DDHD1: variants seen among roughly 807,000 people sequenced by gnomAD.
DDHD1 encodes DDHD domain containing 1, also known as phospholipase DDHD1.
Under a neutral mutation model 96.4 loss-of-function variants are expected in DDHD1, and 49 were observed. The observed-to-expected ratio is 0.51, with a 90% CI of 0.40 to 0.64. DDHD1 has a LOEUF of 0.64. Among genes scored for constraint, DDHD1 ranks in the 30% least tolerant of loss-of-function variants. The pLI is 0.00. For synonymous variants in DDHD1, 442 were observed against 446.5 expected, an observed-to-expected ratio of 0.99 and a Z score of 0.13; for missense variants, 1,106 against 1,161.2, an observed-to-expected ratio of 0.95 and a Z score of 0.69.
chr14:53,067,077 T>C (rs1040025715), intron 6 of DDHD1, among the ~76,000 whole-genome samples: 2 of 152,020 alleles, frequency 1.3e-5, no homozygotes, highest in African/African-American at 4.8e-5. Flanking sequence ...AGGGGAACTG[T>C]TAAAAATACA....
chr14:53,143,972 T>A (rs1890814248), intron 1 of DDHD1, among the ~76,000 whole-genome samples: 1 of 152,234 alleles, frequency 6.6e-6, no homozygotes, highest in Non-Finnish European at 1.5e-5. Context: ...TACTTCTTGA[T>A]GGATTATAGG....
intron 6 of DDHD1, among the ~76,000 whole-genome samples, chr14:53,070,141 A>T (rs1418058962): frequency 6.6e-6 from 1 of 152,204 alleles, no homozygotes; most frequent in East Asian, 1.9e-4. Context: ...TTTGTATGGT[A>T]ACATGTGCTC....
Position 53,073,752 on chromosome 14 carries a change from G to A in DDHD1, c.1385C>T (p.Thr462Ile). The A allele has an allele frequency of 1.2e-6, 2 of 1,607,148 alleles. No individual in the cohort carries two copies. The highest frequency in any genetic ancestry group is 1.7e-6 in the Non-Finnish European group (2 of 1,176,236). ...TTAAATAAATATACCTCCATCAAGA[G>A]TAAGTTTTGACCGCCACTCAACAGG... Reference protein sequence around the residue: ...FLPVEWRSKLTLDGDTVDSIT... With the variant: ...FLPVEWRSKLILDGDTVDSIT... The change falls in exon 5 of 13, where the codon ACT becomes ATT. Residue 462 changes from threonine to isoleucine, a missense_variant. Around this residue, in one of 2 missense-constraint regions of DDHD1, gnomAD observed 650 missense variants for 758.8 expected, o/e 0.86. Coordinates refer to ENST00000673822, the MANE Select transcript of DDHD1 (RefSeq NM_001160148.2).
At chr14:53,124,446 T>C (rs1889280322) in intron 1 of DDHD1, among the ~76,000 whole-genome samples, 1 of 152,140 alleles carries the variant, frequency 6.6e-6, no homozygotes, top group African/African-American at 2.4e-5. Context: ...ATTATTTAGC[T>C]TGGCTGCTAA....
chr14:53,101,276 CTTG>C (rs1379084124), intron 2 of DDHD1, among the ~76,000 whole-genome samples: 1 of 152,004 alleles, frequency 6.6e-6, no homozygotes, highest in African/African-American at 2.4e-5. Flanking sequence ...TTCCTTAAGA[CTTG>C]TTATTATTTT....
intron 1 of DDHD1, among the ~76,000 whole-genome samples, chr14:53,122,096 GGAA>G (rs751591516): frequency 6.6e-5 from 10 of 152,246 alleles, no homozygotes; most frequent in South Asian, 4.2e-4. Flanking sequence ...GAAGGATGCT[GGAA>G]GAAGAAGGTG....
Position 53,093,381 on chromosome 14 carries a change from A to C in DDHD1, c.1076T>G (p.Leu359Arg), listed in dbSNP as rs573580355. The C allele has an allele frequency of 2.3e-5, 37 of 1,613,094 alleles. 1 individual carries two copies. Among genetic ancestry groups the C allele is most frequent in the South Asian group, 1.7e-4 (15 of 90,688 alleles). Residue 359 changes from leucine (L) to arginine (R), a missense_variant, in exon 3 of 13, where the codon CTT becomes CGT. Physicochemically the swap from Leu to Arg is moderately radical, Grantham distance 102. Coordinates refer to ENST00000673822, the MANE Select transcript of DDHD1 (RefSeq NM_001160148.2). ...VDWHSVDEVY[L>R]YSDATTSKIA... ...TTTAGATGTTGTTGCATCACTATAA[A>C]GATATACTTCATCCACACTGTGCCA...
chr14:53,107,311 C>T (rs1887760028), intron 1 of DDHD1, among the ~76,000 whole-genome samples: 1 of 152,182 alleles, frequency 6.6e-6, no homozygotes, highest in African/African-American at 2.4e-5. Context: ...ATAAAGGTAA[C>T]TTGAACACAA....
intron 1 of DDHD1, among the ~76,000 whole-genome samples, chr14:53,110,738 C>T (rs1016950291): frequency 3.9e-5 from 6 of 151,952 alleles, no homozygotes; most frequent in Admixed American, 1.3e-4. Flanking sequence ...CACTTAAGGA[C>T]GCTGAGGTGG....
In DDHD1 at chr14:53,103,416, T is replaced by C. The variant is rs905519542; in HGVS notation, c.1012+267A>G. 1.9e-5 allele frequency: 7 copies of C among 375,022 alleles called. No homozygotes were observed. In the Admixed American group the frequency reaches 2.2e-4, roughly 12 times the overall value. 23.2% of individuals were successfully genotyped at this position (375,022 alleles called of 1,614,324 possible). A position where few individuals can be genotyped will look rare whatever the true frequency, so the allele number is the denominator to read the frequency against. On this transcript the variant is annotated intron_variant, in intron 2 of 12. Transcript: ENST00000673822. ...TAAAAAATTACTAAAAAAGATTAAA[T>C]AGGGAGTGCATTGTAACAATCTGTA...
chr14:53,051,845 G>A lies in DDHD1; in HGVS notation c.2520C>T (p.Leu840=), dbSNP rs200882262. Residue 840 remains leucine, a splice_region_variant and synonymous_variant, in exon 12 of 13, where the codon CTC becomes CTT. Transcript: ENST00000673822. ...TGCTATTCCTGACATATACCATACC[G>A]AGGGCATTATCTTTATTCTGCATTA... ...ENVMQNKDNA[L]VELDHRIDFE... is the part of the protein sequence containing the mutation. The A allele has an allele frequency of 4.0e-5, 63 of 1,589,298 alleles. No individual in the cohort carries two copies. The highest frequency in any genetic ancestry group is 1.4e-4 in the Admixed American group (8 of 57,302).
intron 12 of DDHD1, among the ~76,000 whole-genome samples, chr14:53,049,942 G>A (rs1882389935): frequency 6.6e-6 from 1 of 152,196 alleles, no homozygotes; most frequent in Admixed American, 6.5e-5. Flanking sequence ...ATGTGGAAGT[G>A]CTTGACAATC....
In DDHD1 at chr14:53,093,420, C is replaced by T. The variant is rs766862246; in HGVS notation, c.1037G>A (p.Arg346Gln). The change falls in exon 3 of 13, where the codon CGA becomes CAA. Residue 346 changes from arginine to glutamine, a missense_variant. Transcript: ENST00000673822. ...CACACTGTGCCAGTCCACATGGTTTCGACTCAACTTGAAACTATGAACAGC... is the reference window on the plus strand; with the variant it reads ...CACACTGTGCCAGTCCACATGGTTTTGACTCAACTTGAAACTATGAACAGC... ...KDAVHSFKLS[R>Q]NHVDWHSVDE... is the part of the protein sequence containing the mutation. 6.2e-6 allele frequency: 10 copies of T among 1,611,254 alleles called. No homozygotes were observed. Among genetic ancestry groups the T allele is most frequent in the East Asian group, 4.5e-5 (2 of 44,708 alleles).
At chr14:53,147,872 C>T (rs1239849661) in intron 1 of DDHD1, among the ~76,000 whole-genome samples, 1 of 152,178 alleles carries the variant, frequency 6.6e-6, no homozygotes, top group Non-Finnish European at 1.5e-5. Context: ...AGAGTGCCTT[C>T]TACCCCCTGG....
chr14:53,105,212 A>T (rs1360901318), intron 1 of DDHD1, among the ~76,000 whole-genome samples: 2 of 152,122 alleles, frequency 1.3e-5, no homozygotes, highest in African/African-American at 2.4e-5. Flanking sequence ...AACTGAAGAC[A>T]AACCCAGTAT....
At position 53,086,399 on chromosome 14, in the gene DDHD1, A is replaced by G. The variant is rs190405230; in HGVS notation, c.1289+5386T>C. On this transcript the variant is annotated intron_variant, in intron 4 of 12. Transcript: ENST00000673822. ...AGGAAAAAATGTTAAGGGCAGCCAG[A>G]GAGAAAGGTCAGGTTACCCACAAAG... is the stretch of plus-strand genomic sequence containing the variant. Among the ~76,000 whole-genome samples the G allele has an allele frequency of 6.2e-4, 94 of 152,330 alleles. 5 individuals are homozygous for G. The East Asian group carries it at 0.017, about 28-fold the overall frequency.
intron 1 of DDHD1, among the ~76,000 whole-genome samples, chr14:53,115,043 A>C (rs992580559): frequency 2.6e-5 from 4 of 152,216 alleles, no homozygotes; most frequent in African/African-American, 9.6e-5. Context: ...GACCTGATGG[A>C]GTTGAAAAAC....
chr14:53,070,471 A>G (rs148861141), intron 6 of DDHD1, among the ~76,000 whole-genome samples: 39 of 152,258 alleles, frequency 2.6e-4, no homozygotes, highest in East Asian at 1.5e-3. Context: ...CTTTATTCCT[A>G]TTGATACTAT....
intron 1 of DDHD1, among the ~76,000 whole-genome samples, chr14:53,122,678 C>T (rs1159383274): frequency 6.6e-6 from 1 of 150,634 alleles, no homozygotes; most frequent in Non-Finnish European, 1.5e-5. Flanking sequence ...CCTGCCTTAG[C>T]CTCCTGAGTA....
Sources: allele counts gnomAD v4.1 joint callset (sites outside exome capture counted in the v4.1 genomes callset), GRCh38; gene constraint gnomAD v4.1.1; regional missense constraint gnomAD v4.1.1; transcripts MANE v1.5; gene names NCBI Gene and HGNC (gene_info 2026-07-23, HGNC 2026-07-21).